The following EPHA6 variants were observed in gnomAD, a reference collection of about 807,000 sequenced individuals.
EPHA6 encodes EPH receptor A6, also known as ephrin type-A receptor 6.
In EPHA6, 50 loss-of-function variants were observed where a neutral mutation model predicts 112.0. The ratio of observed to expected loss-of-function variants is 0.45; its 90% CI spans 0.36 to 0.56. The LOEUF (loss-of-function observed/expected upper bound fraction) is 0.56. Among genes scored for constraint, EPHA6 ranks in the 20% least tolerant of loss-of-function variants. The pLI, the probability that EPHA6 is intolerant of heterozygous loss-of-function variation, is 0.00. For missense variants in EPHA6, 1,280 were observed against 1,417.4 expected (o/e 0.90, Z 1.56); for synonymous variants, 529 against 490.7 (o/e 1.08, Z -1.03).
intron 14 of EPHA6, among the ~76,000 whole-genome samples, chr3:97,676,223 C>T (rs1560256357): frequency 1.3e-5 from 2 of 151,676 alleles, no homozygotes; most frequent in Admixed American, 6.6e-5. Context: ...CTGGGGCACA[C>T]CAAGCTGAGA....
At chr3:97,279,403 A>G (rs925586104) in intron 5 of EPHA6, among the ~76,000 whole-genome samples, 3 of 152,126 alleles carry the variant, frequency 2.0e-5, no homozygotes, top group African/African-American at 7.2e-5. Flanking sequence ...AACAAGGGTG[A>G]CTAACTTGTG....
At chr3:97,738,627 G>A (rs2035373318) in intron 16 of EPHA6, among the ~76,000 whole-genome samples, 3 of 152,036 alleles carry the variant, frequency 2.0e-5, no homozygotes, top group African/African-American at 7.2e-5. Flanking sequence ...AGAGATCTGT[G>A]ATTTAGTGGG....
At chr3:97,068,165 G>GAAAAAAAAAAAAAA (rs75312712) in intron 3 of EPHA6, among the ~76,000 whole-genome samples, 1 of 69,626 alleles carries the variant, frequency 1.4e-5, no homozygotes, top group Non-Finnish European at 2.4e-5. Flanking sequence ...AAAAAAAAAA[G>GAAAAAAAAAAAAAA]AAAAAAAAAA....
intron 5 of EPHA6, among the ~76,000 whole-genome samples, chr3:97,403,434 T>C (rs953647991): frequency 6.6e-6 from 1 of 152,086 alleles, no homozygotes; most frequent in Non-Finnish European, 1.5e-5. Flanking sequence ...TTTTTCAAAA[T>C]TGTTCTTAAA....
rs577356806 is a variant in EPHA6, at chr3:96,910,884, G to T, written c.450+43995G>T. ...GTTTACCACTGTATGTATAATTTCTGTCCCATAGTTAGGAGTACAATAATT... is the reference window on the plus strand; with the variant it reads ...GTTTACCACTGTATGTATAATTTCTTTCCCATAGTTAGGAGTACAATAATT... On this transcript the variant is annotated intron_variant, in intron 2 of 17. Coordinates refer to ENST00000389672, the MANE Select transcript of EPHA6 (RefSeq NM_001080448.3). Among the ~76,000 whole-genome samples, 23 of 152,078 alleles carry T rather than the reference G, an allele frequency of 1.5e-4. No homozygotes were observed. In the South Asian group the frequency reaches 4.8e-3, roughly 31 times the overall value.
At chr3:97,613,987 C>T (rs1298850425) in intron 13 of EPHA6, among the ~76,000 whole-genome samples, 1 of 152,194 alleles carries the variant, frequency 6.6e-6, no homozygotes, top group Non-Finnish European at 1.5e-5. Context: ...TGCAAACCAC[C>T]TACCTCTAAA....
At chr3:96,889,044 C>T (rs1041843161) in intron 2 of EPHA6, among the ~76,000 whole-genome samples, 5 of 152,086 alleles carry the variant, frequency 3.3e-5, no homozygotes, top group Admixed American at 6.5e-5. Flanking sequence ...GGGCAAAATG[C>T]GGCCAGTCTC....
intron 2 of EPHA6, among the ~76,000 whole-genome samples, chr3:96,946,754 A>T (rs2041285583): frequency 1.3e-5 from 2 of 152,296 alleles, no homozygotes; most frequent in East Asian, 1.9e-4. Context: ...CGCCACACTG[A>T]CTTCCACAAT....
chr3:97,288,010 T>C (rs2080534011), intron 5 of EPHA6, among the ~76,000 whole-genome samples: 1 of 149,730 alleles, frequency 6.7e-6, no homozygotes, highest in Non-Finnish European at 1.5e-5. Flanking sequence ...TGTGGTAGAA[T>C]AAAGCAGTGA....
chr3:97,100,511 G>A (rs1013275422), intron 3 of EPHA6, among the ~76,000 whole-genome samples: 5 of 151,730 alleles, frequency 3.3e-5, no homozygotes, highest in Admixed American at 6.6e-5. Flanking sequence ...AAATCAGAGA[G>A]GCTAATTTGC....
At chr3:97,119,394 G>A (rs12637970) in intron 3 of EPHA6, among the ~76,000 whole-genome samples, 1 of 151,984 alleles carries the variant, frequency 6.6e-6, no homozygotes, top group Non-Finnish European at 1.5e-5. Flanking sequence ...GATTCTACCT[G>A]TTTATGCCTC....
At chr3:97,643,075 C>A (rs1425397919) in intron 14 of EPHA6, among the ~76,000 whole-genome samples, 12 of 152,160 alleles carry the variant, frequency 7.9e-5, no homozygotes, top group South Asian at 4.2e-4. Flanking sequence ...GAAGCCCATC[C>A]GACTAACAGT....
intron 4 of EPHA6, among the ~76,000 whole-genome samples, chr3:97,239,369 T>C (rs1233916012): frequency 2.0e-5 from 3 of 151,736 alleles, no homozygotes; most frequent in Non-Finnish European, 4.4e-5. Context: ...TTGAACAACA[T>C]GGGGGTTAGG....
chr3:97,491,972 C>T (rs575651332), intron 10 of EPHA6, among the ~76,000 whole-genome samples: 13 of 152,084 alleles, frequency 8.5e-5, no homozygotes, highest in Non-Finnish European at 1.6e-4. Flanking sequence ...ATAGATTTTA[C>T]TGGTCAATGG....
intron 11 of EPHA6, among the ~76,000 whole-genome samples, chr3:97,549,275 G>A (rs1416947173): frequency 6.6e-6 from 1 of 151,994 alleles, no homozygotes; most frequent in Non-Finnish European, 1.5e-5. Context: ...ATTTAATCTT[G>A]TGTGGTTTTG....
At chr3:97,428,111 T>G (rs2089275828) in intron 6 of EPHA6, among the ~76,000 whole-genome samples, 1 of 152,098 alleles carries the variant, frequency 6.6e-6, no homozygotes, top group Admixed American at 6.6e-5. Context: ...GAATGAACAG[T>G]TGGTATTGCC....
chr3:96,909,541 T>C (rs1426752680), intron 2 of EPHA6, among the ~76,000 whole-genome samples: 1 of 151,974 alleles, frequency 6.6e-6, no homozygotes, highest in Non-Finnish European at 1.5e-5. Flanking sequence ...AATAAAAGTA[T>C]ATGTCTGGAG....
intron 2 of EPHA6, among the ~76,000 whole-genome samples, chr3:96,870,353 G>A (rs72933426): frequency 0.013 from 2,019 of 152,072 alleles, 48 homozygotes; most frequent in African/African-American, 0.045. Context: ...TTCTAAAGGC[G>A]GGAGAAGACA....
At chr3:97,481,562 G>A (rs995565772) in intron 9 of EPHA6, 22 of 662,814 alleles carry the variant, frequency 3.3e-5, no homozygotes, top group African/African-American at 1.3e-4. Context: ...GGGGCGCGGC[G>A]CGTCCGGCGC....
Sources: gnomAD v4.1 joint callset for allele counts (sites outside exome capture counted in the v4.1 genomes callset) on GRCh38, gnomAD v4.1.1 for gene constraint, MANE v1.5 for transcripts, NCBI Gene and HGNC (gene_info 2026-07-23, HGNC 2026-07-21) for gene names.